BCORL1: variants seen among roughly 807,000 people sequenced by gnomAD.
BCORL1 encodes the protein BCL-6 corepressor-like protein 1.
In BCORL1, 7 loss-of-function variants were observed where a neutral mutation model predicts 87.6. The observed-to-expected ratio is 0.08, with a 90% CI of 0.05 to 0.15. The LOEUF (loss-of-function observed/expected upper bound fraction) is 0.15, where lower values mean the gene tolerates loss of function less well. Ranked by LOEUF, BCORL1 falls within the 10% of genes least tolerant of loss-of-function variation. The pLI is 1.00. For synonymous variants in BCORL1, 591 were observed against 634.4 expected, an observed-to-expected ratio of 0.93 and a Z score of 1.03; for missense variants, 1,215 against 1,499.7, an observed-to-expected ratio of 0.81 and a Z score of 3.13.
At position 130,056,476 on chromosome X, in the gene BCORL1, CTGGA is replaced by C; in HGVS notation, c.*344_*347del. 5.1e-6 allele frequency: 1 copy of C among 195,259 alleles called. No individual in the cohort carries two copies. Among genetic ancestry groups the C allele is most frequent in the Non-Finnish European group, 9.4e-6 (1 of 106,020 alleles). 16.1% of individuals were successfully genotyped at this position (195,259 alleles called of 1,213,427 possible). ...TCATGACCAAGACCAAACCTGGGCC[CTGGA>C]TGGCCTTGGCCTGTCCCGAGGAGAA... On this transcript the variant is annotated 3_prime_UTR_variant, in exon 14 of 14. Transcript: ENST00000540052.
chrX:130,039,099 T>C (rs779776488), intron 10 of BCORL1, 38 bp from the exon 11 acceptor site: 20 of 1,201,894 alleles, frequency 1.7e-5, no homozygotes, highest in Non-Finnish European at 2.1e-5. Flanking sequence ...CAGTTCCCAC[T>C]TGGGCCCTGT....
rs1268029876 is a variant in BCORL1, at chrX:130,015,763, G to A, written c.2991G>A (p.Leu997=). The change falls in exon 4 of 14, where the codon CTG becomes CTA. Residue 997 remains leucine, a synonymous_variant. Transcript: ENST00000540052. ...LATYMSHELV[L]ATPQNLPKMP... The stretch of plus-strand genomic sequence containing the variant: ...CCTACATGTCCCATGAGCTGGTCCT[G>A]GCCACCCCCCAGAACCTGCCTAAGA... The A allele has an allele frequency of 1.7e-6, 2 of 1,210,054 alleles. No individual in the cohort carries two copies. Among genetic ancestry groups the A allele is most frequent in the Non-Finnish European group, 2.2e-6 (2 of 895,203 alleles).
At chrX:129,993,298 T>C (rs1310693596) in intron 1 of BCORL1, among the ~76,000 whole-genome samples, 1 of 112,491 alleles carries the variant, frequency 8.9e-6, no homozygotes, top group Non-Finnish European at 1.9e-5. Flanking sequence ...AAAGTAATTT[T>C]CTTACAGCAG....
At chrX:130,019,035 GCTT>G (rs985614145) in intron 4 of BCORL1, among the ~76,000 whole-genome samples, 1 of 112,201 alleles carries the variant, frequency 8.9e-6, no homozygotes, top group Non-Finnish European at 1.9e-5. Context: ...AGAGAGTTCT[GCTT>G]CATTTGGTGC....
intron 11 of BCORL1, among the ~76,000 whole-genome samples, chrX:130,043,511 A>G (rs1479083140): frequency 9.2e-6 from 1 of 108,871 alleles, no homozygotes; most frequent in African/African-American, 3.3e-5. Flanking sequence ...AGGCTGGGGA[A>G]GCTTTTCCCT....
At chrX:129,998,042 A>C (rs990743399) in intron 1 of BCORL1, among the ~76,000 whole-genome samples, 1 of 104,613 alleles carries the variant, frequency 9.6e-6, no homozygotes, top group Admixed American at 1.1e-4. Context: ...ATGGCTTTGG[A>C]TTGGCAGAGC....
At chrX:130,010,797 C>G (rs1928878736) in intron 2 of BCORL1, 1 of 108,689 alleles carries the variant, frequency 9.2e-6, no homozygotes, top group African/African-American at 3.3e-5. Flanking sequence ...CTGGCTTCTT[C>G]AGGGCTGTCT....
intron 11 of BCORL1, among the ~76,000 whole-genome samples, chrX:130,045,360 A>G (rs1019558474): frequency 8.9e-6 from 1 of 111,976 alleles, no homozygotes. Flanking sequence ...TTAGTAGTTT[A>G]CCGCTTGAAG....
intron 6 of BCORL1, 96 bp from the exon 7 acceptor site, chrX:130,024,894 C>G (rs1417655783): frequency 9.0e-7 from 1 of 1,111,576 alleles, no homozygotes; most frequent in Non-Finnish European, 1.2e-6. Context: ...AACTTGAACC[C>G]AGACCTTCAA....
chrX:130,032,539 C>T (rs1056723153), intron 8 of BCORL1, among the ~76,000 whole-genome samples: 3 of 111,423 alleles, frequency 2.7e-5, no homozygotes, highest in African/African-American at 9.8e-5. Flanking sequence ...GCCCTACTCA[C>T]TGTAGGAGGA....
Position 130,014,789 on chromosome X carries a change from G to T in BCORL1, c.2017G>T (p.Gly673Cys). ...SRSQRTTQAA[G>C]GNVTSCLGST... ...GTCTCAGCGCACAACCCAGGCTGCC[G>T]GTGGCAATGTCACCTCCTGCCTGGG... Residue 673 changes from glycine to cysteine, a missense_variant, in exon 4 of 14, where the codon GGT becomes TGT. This residue lies in a region of BCORL1 where 861 missense variants were observed against 1,010.0 expected (regional missense o/e 0.85). Coordinates refer to ENST00000540052, the MANE Select transcript of BCORL1 (RefSeq NM_001379451.1). 1 of 1,211,425 alleles carries T rather than the reference G, an allele frequency of 8.3e-7. No individual in the cohort carries two copies. Among genetic ancestry groups the T allele is most frequent in the Non-Finnish European group, 1.1e-6 (1 of 895,410 alleles).
At chrX:130,054,381 G>C (rs909700554) in intron 13 of BCORL1, among the ~76,000 whole-genome samples, 3 of 111,559 alleles carry the variant, frequency 2.7e-5, no homozygotes, top group African/African-American at 9.8e-5. Context: ...GAGTTACACC[G>C]GGGGAAGGTT....
chrX:130,052,281 A>G (rs944747661), intron 13 of BCORL1, among the ~76,000 whole-genome samples: 5 of 112,565 alleles, frequency 4.4e-5, no homozygotes, highest in African/African-American at 1.6e-4. Flanking sequence ...TATAAAAGAT[A>G]ATCTGAGAGA....
chrX:130,035,101 TTATACTACTACCC>T lies in BCORL1; in HGVS notation c.4527+430_4527+442del, dbSNP rs912008727. Reference sequence around the variant, plus strand: ...GGGGCGAGGCTGAGCTAACCCCACCTTATACTACTACCCTATAGATTAGAAAGAAGGCAAGAAA... The same window carrying T: ...GGGGCGAGGCTGAGCTAACCCCACCTTATAGATTAGAAAGAAGGCAAGAAA... On this transcript the variant is annotated intron_variant, in intron 9 of 13. Transcript: ENST00000540052. 1.3e-4 allele frequency among the ~76,000 whole-genome samples: 14 copies of T among 111,573 alleles called. 1 individual carries two copies. The highest frequency in any genetic ancestry group is 4.6e-4 in the African/African-American group (14 of 30,669).
chrX:129,997,314 A>G (rs1927637059), intron 1 of BCORL1, among the ~76,000 whole-genome samples: 1 of 111,161 alleles, frequency 9.0e-6, no homozygotes, highest in African/African-American at 3.3e-5. Context: ...GAAATATTTC[A>G]GGTTCCCCTA....
chrX:130,013,051 C>T lies in BCORL1; in HGVS notation c.279C>T (p.Asp93=), dbSNP rs534869537. The change falls in exon 4 of 14, where the codon GAC becomes GAT. Residue 93 remains aspartate, a synonymous_variant. Coordinates refer to ENST00000540052, the MANE Select transcript of BCORL1 (RefSeq NM_001379451.1). ...GGCACAAGTCAGAAGACAAGCCTGACGATCCCCAGCCAAAAATGGACTACG... is the reference window on the plus strand; with the variant it reads ...GGCACAAGTCAGAAGACAAGCCTGATGATCCCCAGCCAAAAATGGACTACG... ...KLGHKSEDKP[D]DPQPKMDYAG... 184 of 1,209,517 alleles carry T rather than the reference C, an allele frequency of 1.5e-4. No individual in the cohort carries two copies. In the South Asian group the frequency reaches 1.8e-3, roughly 12 times the overall value.
intron 11 of BCORL1, among the ~76,000 whole-genome samples, chrX:130,042,460 AT>A (rs1179279459): frequency 2.7e-5 from 3 of 111,081 alleles, no homozygotes; most frequent in African/African-American, 6.5e-5. Flanking sequence ...TCAGGAGCCA[AT>A]GGGTTGCTAT....
At chrX:129,989,788 C>CTT (rs367764961) in intron 1 of BCORL1, among the ~76,000 whole-genome samples, 3 of 98,777 alleles carry the variant, frequency 3.0e-5, no homozygotes, top group African/African-American at 1.1e-4. Flanking sequence ...CTCTTTGTTT[C>CTT]TTTTTTTTTT....
intron 6 of BCORL1, among the ~76,000 whole-genome samples, chrX:130,024,388 C>T (rs1168637064): frequency 9.0e-6 from 1 of 111,165 alleles, no homozygotes; most frequent in Admixed American, 9.6e-5. Context: ...TGGGCGTGAC[C>T]CAACCAGGCT....
Sources: allele counts gnomAD v4.1 joint callset (sites outside exome capture counted in the v4.1 genomes callset), GRCh38; gene constraint gnomAD v4.1.1; regional missense constraint gnomAD v4.1.1; transcripts MANE v1.5; gene names NCBI Gene and HGNC (gene_info 2026-07-23, HGNC 2026-07-21).